Variants in ADGRB3 observed in about 807,000 individuals in gnomAD.
The protein encoded by ADGRB3 is brain-specific angiogenesis inhibitor 3.
A neutral mutation model predicts 193.4 loss-of-function variants in ADGRB3; 37 were observed. That is an observed-to-expected ratio of 0.19 (90% CI 0.15 to 0.25). The LOEUF (loss-of-function observed/expected upper bound fraction) is 0.25, where lower values mean the gene tolerates loss of function less well. ADGRB3 is among the 10% of genes least tolerant of loss of function. ADGRB3 has a pLI of 1.00. For missense variants in ADGRB3, 1,637 were observed against 1,852.9 expected, an observed-to-expected ratio of 0.88 and a Z score of 2.14; for synonymous variants, 690 against 644.2, an observed-to-expected ratio of 1.07 and a Z score of -1.08.
At chr6:68,736,934 T>C (rs1291266581) in intron 3 of ADGRB3, among the ~76,000 whole-genome samples, 3 of 152,102 alleles carry the variant, frequency 2.0e-5, no homozygotes, top group Non-Finnish European at 4.4e-5. Flanking sequence ...TCATGTTTAG[T>C]ATTTTAATAT....
intron 24 of ADGRB3, among the ~76,000 whole-genome samples, chr6:69,336,811 A>G (rs1680439472): frequency 6.6e-6 from 1 of 152,118 alleles, no homozygotes; most frequent in Admixed American, 6.6e-5. Flanking sequence ...TAGCATCTAG[A>G]CTATGAGTTT....
intron 17 of ADGRB3, among the ~76,000 whole-genome samples, chr6:69,076,926 C>T (rs1772249055): frequency 6.6e-6 from 1 of 151,966 alleles, no homozygotes. Context: ...TTTTGTGATG[C>T]TACTTGTTTC....
chr6:68,909,689 A>G (rs1050592386), intron 3 of ADGRB3, among the ~76,000 whole-genome samples: 2 of 152,212 alleles, frequency 1.3e-5, no homozygotes, highest in African/African-American at 4.8e-5. Flanking sequence ...TGTCGGTCTC[A>G]GAGTGGGACT....
intron 30 of ADGRB3, among the ~76,000 whole-genome samples, chr6:69,375,086 A>G (rs539024607): frequency 2.6e-5 from 4 of 152,240 alleles, no homozygotes; most frequent in Non-Finnish European, 4.4e-5. Flanking sequence ...TGTCTATGGA[A>G]GAAGAGACTA....
At chr6:69,056,458 A>T (rs1442160554) in intron 15 of ADGRB3, among the ~76,000 whole-genome samples, 1 of 152,064 alleles carries the variant, frequency 6.6e-6, no homozygotes, top group African/African-American at 2.4e-5. Flanking sequence ...TTTCCTGCAC[A>T]AAAGTTACTT....
At chr6:68,732,774 T>TA (rs1765797577) in intron 3 of ADGRB3, among the ~76,000 whole-genome samples, 1 of 151,876 alleles carries the variant, frequency 6.6e-6, no homozygotes, top group African/African-American at 2.4e-5. Context: ...TGGTGAGTCT[T>TA]ACGCAGGTAT....
chr6:69,062,894 G>T (rs755238878), intron 15 of ADGRB3, 40 bp from the exon 16 acceptor site: 9 of 1,430,162 alleles, frequency 6.3e-6, no homozygotes, highest in Non-Finnish European at 8.9e-6. Context: ...ATACTTTTCA[G>T]CACTCATTTC....
chr6:69,357,875 T>A (rs1207284151), intron 28 of ADGRB3, among the ~76,000 whole-genome samples: 1 of 151,944 alleles, frequency 6.6e-6, no homozygotes, highest in East Asian at 1.9e-4. Flanking sequence ...TTTTCCTTTT[T>A]TGGATAATTG....
intron 17 of ADGRB3, among the ~76,000 whole-genome samples, chr6:69,232,230 G>A (rs1179977414): frequency 2.0e-5 from 3 of 152,030 alleles, no homozygotes; most frequent in Non-Finnish European, 4.4e-5. Flanking sequence ...TACAGAACAC[G>A]TGTAATGATA....
chr6:68,933,927 C>T (rs1454191787), intron 4 of ADGRB3, among the ~76,000 whole-genome samples: 3 of 152,046 alleles, frequency 2.0e-5, no homozygotes, highest in Non-Finnish European at 4.4e-5. Flanking sequence ...ATACTATCTC[C>T]AAAGATACAT....
At chr6:69,311,801 A>T (rs1170540380) in intron 20 of ADGRB3, among the ~76,000 whole-genome samples, 1 of 151,784 alleles carries the variant, frequency 6.6e-6, no homozygotes, top group African/African-American at 2.4e-5. Flanking sequence ...AACTTGATGC[A>T]ATCAATTGTC....
chr6:69,161,026 G>C (rs1774971306), intron 17 of ADGRB3, among the ~76,000 whole-genome samples: 1 of 152,016 alleles, frequency 6.6e-6, no homozygotes, highest in African/African-American at 2.4e-5. Context: ...CTGATATCAG[G>C]CAAGTTAGTT....
intron 3 of ADGRB3, among the ~76,000 whole-genome samples, chr6:68,719,945 G>A (rs1582145694): frequency 6.6e-6 from 1 of 151,630 alleles, no homozygotes; most frequent in Non-Finnish European, 1.5e-5. Context: ...AGCTTTGGGT[G>A]CATTATCACT....
chr6:68,669,281 C>T (rs983669229), intron 3 of ADGRB3, among the ~76,000 whole-genome samples: 18 of 151,890 alleles, frequency 1.2e-4, no homozygotes, highest in African/African-American at 4.1e-4. Flanking sequence ...TTATTGACTA[C>T]AATTACCCTG....
chr6:69,258,128 G>A (rs1766822461), intron 20 of ADGRB3, among the ~76,000 whole-genome samples: 1 of 152,134 alleles, frequency 6.6e-6, no homozygotes, highest in Admixed American at 6.5e-5. Context: ...TTTCAGAAAT[G>A]AAATGGTATT....
chr6:69,160,787 T>C (rs898884921), intron 17 of ADGRB3, among the ~76,000 whole-genome samples: 1 of 152,150 alleles, frequency 6.6e-6, no homozygotes, highest in Non-Finnish European at 1.5e-5. Flanking sequence ...AATAAATGAA[T>C]GTATATCTCT....
At chr6:68,685,550 G>T (rs184834886) in intron 3 of ADGRB3, among the ~76,000 whole-genome samples, 1 of 152,032 alleles carries the variant, frequency 6.6e-6, no homozygotes, top group East Asian at 1.9e-4. Flanking sequence ...TCAAACTTGA[G>T]AAAGTTATTC....
intron 3 of ADGRB3, among the ~76,000 whole-genome samples, chr6:68,884,024 T>A (rs567644093): frequency 8.0e-5 from 12 of 149,156 alleles, no homozygotes; most frequent in Non-Finnish European, 1.4e-4. Context: ...TTTTAAAAAA[T>A]GATTTGACTA....
chr6:69,096,224 T>G (rs1266825110), intron 17 of ADGRB3, among the ~76,000 whole-genome samples: 2 of 152,194 alleles, frequency 1.3e-5, no homozygotes, highest in Non-Finnish European at 2.9e-5. Context: ...TTCAAAGGTT[T>G]AAAATTTAAT....
Sources: gnomAD v4.1 joint callset for allele counts (sites outside exome capture counted in the v4.1 genomes callset) on GRCh38, gnomAD v4.1.1 for gene constraint, MANE v1.5 for transcripts, NCBI Gene and HGNC (gene_info 2026-07-23, HGNC 2026-07-21) for gene names.